DRC5: variants seen among roughly 807,000 people sequenced by gnomAD.
The protein encoded by DRC5 is T-complex-associated testis-expressed protein 1.
the DRC5 span, chr6:44,282,589 T>A: frequency 6.5e-7 from 1 of 1,543,232 alleles, no homozygotes; most frequent in Non-Finnish European, 8.7e-7. Context: ...CTACAGCAAC[T>A]GCCAGCCAGG....
chr6:44,287,538 G>A, the DRC5 span: 4 of 1,597,946 alleles, frequency 2.5e-6, no homozygotes, highest in African/African-American at 5.4e-5. Flanking sequence ...CTAAAGCAGG[G>A]ACAGACTCAC....
the DRC5 span, among the ~76,000 whole-genome samples, chr6:44,280,591 C>T: frequency 1.4e-4 from 21 of 152,216 alleles, no homozygotes; most frequent in African/African-American, 4.8e-4. Context: ...ACATCTCAAC[C>T]CTACTAGTTT....
the DRC5 span, chr6:44,282,340 G>A: frequency 2.5e-6 from 4 of 1,614,124 alleles, no homozygotes; most frequent in Admixed American, 3.3e-5. Context: ...GCCAGAGCGT[G>A]AGCCAGGGAC....
chr6:44,289,423 T>C, the DRC5 span, among the ~76,000 whole-genome samples: 1 of 152,194 alleles, frequency 6.6e-6, no homozygotes, highest in East Asian at 1.9e-4. Context: ...CGACATTTTA[T>C]ATACTATGTT....
the DRC5 span, chr6:44,286,054 G>A: frequency 2.2e-5 from 35 of 1,614,048 alleles, 1 homozygote; most frequent in South Asian, 3.5e-4. Context: ...AATTCATGCC[G>A]CAGTCCTTGA....
chr6:44,289,879 T>A, the DRC5 span, among the ~76,000 whole-genome samples: 2 of 152,196 alleles, frequency 1.3e-5, no homozygotes, highest in African/African-American at 4.8e-5. Context: ...TCCCATCAGA[T>A]GTGCACCCTC....
the DRC5 span, among the ~76,000 whole-genome samples, chr6:44,283,569 A>T: frequency 6.6e-6 from 1 of 151,558 alleles, no homozygotes; most frequent in East Asian, 1.9e-4. Context: ...TACCCCTCTT[A>T]CCCAGCTGAG....
the DRC5 span, among the ~76,000 whole-genome samples, chr6:44,283,691 A>G: frequency 1.3e-5 from 2 of 152,250 alleles, no homozygotes; most frequent in African/African-American, 2.4e-5. Flanking sequence ...ACAAAATAGA[A>G]AACATCAGCT....
chr6:44,289,593 A>C, the DRC5 span, among the ~76,000 whole-genome samples: 1 of 151,972 alleles, frequency 6.6e-6, no homozygotes, highest in Non-Finnish European at 1.5e-5. Context: ...CCTCCTTCCC[A>C]CTGAGAGCTC....
At chr6:44,296,102 T>A in the DRC5 span, among the ~76,000 whole-genome samples, 1 of 152,232 alleles carries the variant, frequency 6.6e-6, no homozygotes, top group Non-Finnish European at 1.5e-5. Context: ...CTTAAGTAAC[T>A]TACTAAATGT....
chr6:44,287,963 T>G, the DRC5 span: 1 of 1,117,196 alleles, frequency 9.0e-7, no homozygotes, highest in East Asian at 2.6e-5. Context: ...TGGTGGGTCT[T>G]GGTGGGCATT....
the DRC5 span, among the ~76,000 whole-genome samples, chr6:44,294,305 G>C: frequency 6.6e-6 from 1 of 152,164 alleles, no homozygotes; most frequent in East Asian, 1.9e-4. Context: ...TTTTTAAAAA[G>C]TAGAAGTTGT....
chr6:44,280,015 C>T, the DRC5 span: 1 of 632,818 alleles, frequency 1.6e-6, no homozygotes, highest in Non-Finnish European at 2.7e-6. Flanking sequence ...CCATGCCAGG[C>T]TCCCTTCCCT....
chr6:44,279,834 GT>G, the DRC5 span: 2 of 225,370 alleles, frequency 8.9e-6, no homozygotes, highest in Non-Finnish European at 8.8e-6. Flanking sequence ...GAAGAAAATG[GT>G]GGGGAGTCAG....
chr6:44,280,540 C>A, the DRC5 span: 1 of 633,390 alleles, frequency 1.6e-6, no homozygotes, highest in Non-Finnish European at 2.7e-6. Context: ...ATATTCTGTT[C>A]TTTTCCATTT....
At chr6:44,282,144 G>T in the DRC5 span, 19 of 1,614,052 alleles carry the variant, frequency 1.2e-5, no homozygotes, top group Middle Eastern at 1.6e-4. Context: ...GTTGATGCTG[G>T]TGAGTGTGGT....
At chr6:44,297,145 T>A in the DRC5 span, among the ~76,000 whole-genome samples, 3 of 152,018 alleles carry the variant, frequency 2.0e-5, no homozygotes, top group East Asian at 3.9e-4. Flanking sequence ...CCCTCCCCCA[T>A]CCTACCTGGG....
At chr6:44,283,801 C>T in the DRC5 span, among the ~76,000 whole-genome samples, 3 of 152,346 alleles carry the variant, frequency 2.0e-5, no homozygotes, top group African/African-American at 7.2e-5. Context: ...TTATAATCTA[C>T]AACAACTATT....
At chr6:44,288,502 T>C in the DRC5 span, among the ~76,000 whole-genome samples, 1 of 152,040 alleles carries the variant, frequency 6.6e-6, no homozygotes, top group Non-Finnish European at 1.5e-5. Context: ...GAGGGGTGTA[T>C]ATTGCCAAAA....
Sources: gnomAD v4.1 joint callset for allele counts (sites outside exome capture counted in the v4.1 genomes callset) on GRCh38, gnomAD v4.1.1 for gene constraint, MANE v1.5 for transcripts, NCBI Gene and HGNC (gene_info 2026-07-23, HGNC 2026-07-21) for gene names.